Variants in KLHL35 observed in about 807,000 individuals in gnomAD.
KLHL35 encodes kelch like family member 35.
A neutral mutation model predicts 44.0 loss-of-function variants in KLHL35; 50 were observed. The ratio of observed to expected loss-of-function variants is 1.14; its 90% CI spans 0.91 to 1.44. The LOEUF (loss-of-function observed/expected upper bound fraction) is 1.44, where lower values mean the gene tolerates loss of function less well. Among genes scored for constraint, KLHL35 ranks in the 40% most tolerant of loss-of-function variants. The probability of loss-of-function intolerance (pLI) is 0.00; values close to 1 mark genes in which losing one functional copy is unlikely to be tolerated. For missense variants in KLHL35, 1,049 were observed against 887.8 expected, an observed-to-expected ratio of 1.18 and a Z score of -2.31; for synonymous variants, 470 against 410.4, an observed-to-expected ratio of 1.15 and a Z score of -1.76.
At chr11:75,429,002 C>T (rs499745) in intron 2 of KLHL35, among the ~76,000 whole-genome samples, 42,067 of 152,112 alleles carry the variant, frequency 0.28, 6,705 homozygotes, top group Non-Finnish European at 0.37. Flanking sequence ...TGCCCAAAGC[C>T]ATTAAGCGTC....
In KLHL35 at chr11:75,428,579, C is replaced by A; in HGVS notation, c.929G>T (p.Arg310Leu). Reference sequence around the variant, plus strand: ...GAAGGGCAGCTTCAGGAGACCTTTGCGGTCGCAACCGCCGATGACCACGAT... The same window carrying A: ...GAAGGGCAGCTTCAGGAGACCTTTGAGGTCGCAACCGCCGATGACCACGAT... ...EVIVVIGGCD[R>L]KGLLKLPFAD... The change falls in exon 3 of 7, where the codon CGC (arginine) becomes CTC (leucine). Residue 310 changes from arginine to leucine, a missense_variant. Coordinates refer to ENST00000539798, the MANE Select transcript of KLHL35 (RefSeq NM_001039548.3). The A allele has an allele frequency of 6.2e-7, 1 of 1,604,738 alleles. No homozygotes were observed. Among genetic ancestry groups the A allele is most frequent in the Non-Finnish European group, 8.5e-7 (1 of 1,175,960 alleles).
chr11:75,430,856 A>T (rs1046417554), intron 1 of KLHL35, among the ~76,000 whole-genome samples: 8 of 152,188 alleles, frequency 5.3e-5, no homozygotes, highest in Admixed American at 3.9e-4. Context: ...CGGTTCTTCA[A>T]ACTTGCTAAG....
chr11:75,427,286 A>G (rs1464191921), intron 3 of KLHL35, among the ~76,000 whole-genome samples: 1 of 152,202 alleles, frequency 6.6e-6, no homozygotes, highest in Admixed American at 6.5e-5. Context: ...AGGACATGGC[A>G]TGCCCTATGG....
Position 75,422,533 on chromosome 11 carries a change from G to A in KLHL35, c.*47C>T. The A allele has an allele frequency of 6.3e-7, 1 of 1,577,114 alleles. No individual in the cohort carries two copies. On this transcript the variant is annotated 3_prime_UTR_variant, in exon 7 of 7. Coordinates refer to ENST00000539798, the MANE Select transcript of KLHL35 (RefSeq NM_001039548.3). ...ATGAGGGAGCAGAGTGTGCATCTGA[G>A]CTCCGCCTGCCTCTCCGCCTCCTGG...
intron 3 of KLHL35, among the ~76,000 whole-genome samples, chr11:75,427,775 A>G (rs1948503506): frequency 6.6e-6 from 1 of 152,146 alleles, no homozygotes; most frequent in African/African-American, 2.4e-5. Flanking sequence ...GCCTTTGCCC[A>G]TACTGTTCCC....
At chr11:75,428,752 G>T in intron 2 of KLHL35, 126 bp from the exon 3 acceptor site, 2 of 760,010 alleles carry the variant, frequency 2.6e-6, no homozygotes, top group Non-Finnish European at 3.8e-6. Context: ...CCGCCCACCC[G>T]ATCCCCCGGC....
rs1229357838 is a variant in KLHL35, at chr11:75,425,556, C to T, written c.1211G>A (p.Gly404Asp). 2 of 1,487,714 alleles carry T rather than the reference C, an allele frequency of 1.3e-6. No individual in the cohort carries two copies. Among genetic ancestry groups the T allele is most frequent in the East Asian group, 2.6e-5 (1 of 38,642 alleles). The allele number at this position is 1,487,714 out of a possible 1,614,324, so 92.2% of individuals were successfully genotyped here. ...CTCCACGCTGTGCAGGCGCCTCAGG[C>T]CGTCGAAGCCACCCACCGCGAACAG... ...GQLFAVGGFDGLRRLHSVERY... is the reference protein window; with the variant it reads ...GQLFAVGGFDDLRRLHSVERY... Residue 404 changes from glycine to aspartate, a missense_variant, in exon 5 of 7, where the codon GGC becomes GAC. Transcript: ENST00000539798.
At position 75,425,491 on chromosome 11, in the gene KLHL35, GCGCGGCGGC is replaced by G; in HGVS notation, c.1267_1275del (p.Ala423_Ala425del). 6.4e-7 allele frequency: 1 copy of G among 1,564,600 alleles called. No individual in the cohort carries two copies. Among genetic ancestry groups the G allele is most frequent in the Non-Finnish European group, 8.6e-7 (1 of 1,162,318 alleles). Reference sequence around the variant, plus strand: ...GCCGAGCTCACGGCCTCCGGGAGGGGCGCGGCGGCCGCCCAGGTGTTGGAGAAGGGGTCG... The same window carrying G: ...GCCGAGCTCACGGCCTCCGGGAGGGGCGCCCAGGTGTTGGAGAAGGGGTCG... On this transcript the variant is annotated inframe_deletion, in exon 5 of 7. Coordinates refer to ENST00000539798, the MANE Select transcript of KLHL35 (RefSeq NM_001039548.3).
chr11:75,425,199 G>A (rs1055422046), intron 5 of KLHL35, among the ~76,000 whole-genome samples, 194 bp downstream of exon 5: 4 of 152,230 alleles, frequency 2.6e-5, no homozygotes, highest in African/African-American at 9.6e-5. Flanking sequence ...CCAGTGTGCT[G>A]CTGACCCACT....
In KLHL35 at chr11:75,422,606, T is replaced by C; in HGVS notation, c.1726A>G (p.Thr576Ala). ...QRCTSSHGCV[T>A]IIQSLGR ...CACCTGCCCAAGCTCTGGATGATGG[T>C]GACACAGCCGTGGGAGCTGGTGCAG... The change falls in exon 7 of 7, where the codon ACC becomes GCC. Residue 576 changes from threonine to alanine, a missense_variant. Thr to Ala is a moderately conservative substitution (Grantham distance 58). Coordinates refer to ENST00000539798, the MANE Select transcript of KLHL35 (RefSeq NM_001039548.3). 1.2e-6 allele frequency: 2 copies of C among 1,613,532 alleles called. No individual in the cohort carries two copies. Among genetic ancestry groups the C allele is most frequent in the Non-Finnish European group, 1.7e-6 (2 of 1,179,614 alleles).
chr11:75,431,836 C>T (rs1420431552), intron 1 of KLHL35, among the ~76,000 whole-genome samples: 1 of 152,090 alleles, frequency 6.6e-6, no homozygotes, highest in East Asian at 1.9e-4. Context: ...TGGGTGTTTC[C>T]CTATATTGCT....
Position 75,425,765 on chromosome 11 carries a change from C to A in KLHL35, c.1186-184G>T, listed in dbSNP as rs1035079715. 8 of 466,532 alleles carry A rather than the reference C, an allele frequency of 1.7e-5. No individual in the cohort carries two copies. The Middle Eastern group carries it at 2.2e-3, about 128-fold the overall frequency. The allele number at this position is 466,532 out of a possible 1,614,324, so 28.9% of individuals were successfully genotyped here. ...GGGCAGCCTCCACCCAGTTGCTGTA[C>A]CTCCCTGAGCCGGTTTCCTCTCATT... On this transcript the variant is annotated intron_variant, in intron 4 of 6. Coordinates refer to ENST00000539798, the MANE Select transcript of KLHL35 (RefSeq NM_001039548.3).
At chr11:75,432,030 G>T (rs1565173029) in intron 1 of KLHL35, among the ~76,000 whole-genome samples, 1 of 152,188 alleles carries the variant, frequency 6.6e-6, no homozygotes, top group African/African-American at 2.4e-5. Flanking sequence ...CAGCAGAGGG[G>T]TGTTTGTGAA....
intron 4 of KLHL35, chr11:75,426,149 G>T (rs1022394829): frequency 6.2e-6 from 1 of 162,398 alleles, no homozygotes; most frequent in African/African-American, 2.4e-5. Flanking sequence ...TAGAGACGGG[G>T]TTTCACCGTG....
chr11:75,422,712 A>G lies in KLHL35; in HGVS notation c.1620T>C (p.Asp540=). The change falls in exon 7 of 7, where the codon GAT becomes GAC. Residue 540 remains aspartate, a synonymous_variant. Transcript: ENST00000539798. The stretch of plus-strand genomic sequence containing the variant: ...CCTTATCGGTGCTTTCTCCGCGATC[A>G]TCCCGCCCGCCAAGGATGTGGACCT... ...DGKVHILGGR[D]DRGESTDKVF... 1 of 1,614,030 alleles carries G rather than the reference A, an allele frequency of 6.2e-7. No individual in the cohort carries two copies. Among genetic ancestry groups the G allele is most frequent in the Non-Finnish European group, 8.5e-7 (1 of 1,179,884 alleles).
intron 6 of KLHL35, 106 bp from the exon 7 acceptor site, chr11:75,422,874 G>A (rs1053834026): frequency 6.8e-6 from 7 of 1,024,942 alleles, no homozygotes; most frequent in African/African-American, 3.1e-5. Context: ...ACTGTGAACA[G>A]GCAATCTGGA....
At position 75,425,490 on chromosome 11, in the gene KLHL35, G is replaced by C. The variant is rs1028259173; in HGVS notation, c.1277C>G (p.Pro426Arg). 4 of 1,564,148 alleles carry C rather than the reference G, an allele frequency of 2.6e-6. No homozygotes were observed. The change falls in exon 5 of 7, where the codon CCC becomes CGC. Residue 426 changes from proline to arginine, a missense_variant. Physicochemically the swap from Pro to Arg is moderately radical, Grantham distance 103 (BLOSUM62 -2). Transcript: ENST00000539798. The part of the protein sequence containing the change: ...PFSNTWAAAA[P>R]LPEAVSSAAV... ...CGCCGAGCTCACGGCCTCCGGGAGG[G>C]GCGCGGCGGCCGCCCAGGTGTTGGA...
intron 6 of KLHL35, 63 bp from the exon 7 acceptor site, chr11:75,422,831 G>A: frequency 6.8e-7 from 1 of 1,479,256 alleles, no homozygotes; most frequent in East Asian, 2.3e-5. Flanking sequence ...GTCCCTGCCT[G>A]GCCAGGCCAG....
At position 75,425,450 on chromosome 11, in the gene KLHL35, G is replaced by A. The variant is rs756435011; in HGVS notation, c.1317C>T (p.Cys439=). Residue 439 remains cysteine, a synonymous_variant, in exon 5 of 7, where the codon TGC becomes TGT. Transcript: ENST00000539798. ...EAVSSAAVAS[C]AGKLFVIGGA... is the part of the protein sequence containing the mutation. Reference sequence around the variant, plus strand: ...CCCCAATCACGAAGAGCTTGCCCGCGCAGGACGCCACCGCCGCCGAGCTCA... The same window carrying A: ...CCCCAATCACGAAGAGCTTGCCCGCACAGGACGCCACCGCCGCCGAGCTCA... 1.9e-6 allele frequency: 3 copies of A among 1,571,422 alleles called. No individual in the cohort carries two copies. Among genetic ancestry groups the A allele is most frequent in the East Asian group, 2.3e-5 (1 of 42,934 alleles).
Sources: gnomAD v4.1 joint callset for allele counts (sites outside exome capture counted in the v4.1 genomes callset) on GRCh38, gnomAD v4.1.1 for gene constraint, MANE v1.5 for transcripts, NCBI Gene and HGNC (gene_info 2026-07-23, HGNC 2026-07-21) for gene names.